CNTN5: variants seen among roughly 807,000 people sequenced by gnomAD.
CNTN5 encodes contactin 5.
A neutral mutation model predicts 129.1 loss-of-function variants in CNTN5; 77 were observed. The ratio of observed to expected loss-of-function variants is 0.60; its 90% CI spans 0.50 to 0.72. The LOEUF is 0.72. CNTN5 is among the 30% of genes least tolerant of loss of function. The pLI is 0.00. For missense variants in CNTN5, 1,478 were observed against 1,328.8 expected (o/e 1.11, Z -1.75); for synonymous variants, 509 against 465.6 (o/e 1.09, Z -1.20).
rs1444602516 is a variant in CNTN5, at chr11:99,819,778, G to A, written c.277+13G>A. 3.0e-5 allele frequency: 4 copies of A among 131,712 alleles called. No homozygotes were observed. The highest frequency in any genetic ancestry group is 4.6e-5 in the Non-Finnish European group (4 of 86,808). 8.2% of individuals were successfully genotyped at this position (131,712 alleles called of 1,614,324 possible). ...TTCAAACAAGATGGTAAGTGTCAAA[G>A]GAAAATGGCTCCAGATAGAATAAAG... On this transcript the variant is annotated intron_variant, in intron 4 of 24. Coordinates refer to ENST00000524871, the MANE Select transcript of CNTN5 (RefSeq NM_014361.4).
intron 1 of CNTN5, among the ~76,000 whole-genome samples, chr11:99,198,432 A>T (rs1394891118): frequency 6.6e-6 from 1 of 152,278 alleles, no homozygotes; most frequent in East Asian, 1.9e-4. Context: ...GGCAAGTTAG[A>T]TGGGGCCAAA....
chr11:99,347,113 A>C (rs531542518), intron 2 of CNTN5, among the ~76,000 whole-genome samples: 3 of 152,168 alleles, frequency 2.0e-5, no homozygotes, highest in African/African-American at 7.2e-5. Flanking sequence ...GAGTTTTTAC[A>C]TCTTTGGCTT....
chr11:99,725,021 T>C (rs549902752), intron 3 of CNTN5, among the ~76,000 whole-genome samples: 1 of 152,346 alleles, frequency 6.6e-6, no homozygotes, highest in African/African-American at 2.4e-5. Flanking sequence ...GACTTGATTG[T>C]TTAGAAATAA....
At chr11:99,435,131 A>G (rs1943549647) in intron 2 of CNTN5, among the ~76,000 whole-genome samples, 1 of 152,108 alleles carries the variant, frequency 6.6e-6, no homozygotes, top group African/African-American at 2.4e-5. Flanking sequence ...CCTGAAATGT[A>G]ATATCACAAC....
intron 9 of CNTN5, among the ~76,000 whole-genome samples, chr11:100,044,922 T>C (rs893548020): frequency 5.9e-5 from 9 of 152,148 alleles, no homozygotes; most frequent in Non-Finnish European, 1.0e-4. Flanking sequence ...ACCCTGACAA[T>C]TGACTACATA....
rs560875425 is a variant in CNTN5, at chr11:99,309,993, T to C, written c.-209-15353T>C. On this transcript the variant is annotated intron_variant, in intron 1 of 24. Transcript: ENST00000524871. ...AATTTTCATTTATATTATATGACTT[T>C]ATATGGTGATAACTTTGGAGGGAAA... is the stretch of plus-strand genomic sequence containing the variant. 5.8e-4 allele frequency among the ~76,000 whole-genome samples: 89 copies of C among 152,286 alleles called. 1 individual carries two copies. The highest frequency in any genetic ancestry group is 2.0e-3 in the African/African-American group (83 of 41,574).
intron 13 of CNTN5, among the ~76,000 whole-genome samples, chr11:100,089,080 A>G (rs1944657279): frequency 6.6e-6 from 1 of 152,180 alleles, no homozygotes. Flanking sequence ...GGTTCAACAT[A>G]TGCAAATCAA....
At chr11:99,711,943 T>C (rs1310560227) in intron 3 of CNTN5, among the ~76,000 whole-genome samples, 1 of 151,998 alleles carries the variant, frequency 6.6e-6, no homozygotes, top group Non-Finnish European at 1.5e-5. Context: ...AGTAAACATA[T>C]GTGTGCATGT....
intron 2 of CNTN5, among the ~76,000 whole-genome samples, chr11:99,462,275 AAGAG>A (rs2135237678): frequency 6.6e-6 from 1 of 152,226 alleles, no homozygotes; most frequent in Non-Finnish European, 1.5e-5. Flanking sequence ...TTCAGGGAGA[AAGAG>A]AAAGAAACAA....
At position 100,277,634 on chromosome 11, in the gene CNTN5, T is replaced by C. The variant is rs544706968; in HGVS notation, c.2314+6393T>C. ...ATGTCTTCTTTTGAGAAATGTCTTT[T>C]CAAATCTTTTGCCCATTTTATGAAT... is the stretch of plus-strand genomic sequence containing the variant. On this transcript the variant is annotated intron_variant, in intron 18 of 24. Coordinates refer to ENST00000524871, the MANE Select transcript of CNTN5 (RefSeq NM_014361.4). 1.9e-4 allele frequency among the ~76,000 whole-genome samples: 29 copies of C among 152,284 alleles called. No homozygotes were observed. The South Asian group carries it at 5.4e-3, about 28-fold the overall frequency.
intron 1 of CNTN5, among the ~76,000 whole-genome samples, chr11:99,242,413 C>A (rs1228839162): frequency 2.0e-5 from 3 of 152,084 alleles, no homozygotes; most frequent in Admixed American, 2.0e-4. Context: ...ATTAAATATT[C>A]TTCCCTGTTA....
At chr11:100,090,548 T>TTCCC (rs1162676109) in intron 13 of CNTN5, among the ~76,000 whole-genome samples, 11 of 49,796 alleles carry the variant, frequency 2.2e-4, no homozygotes, top group East Asian at 2.4e-3. Context: ...CCTTCCTTCC[T>TTCCC]TCCCTCCCTC....
chr11:99,669,594 A>C (rs527364241), intron 3 of CNTN5, among the ~76,000 whole-genome samples: 1 of 152,088 alleles, frequency 6.6e-6, no homozygotes, highest in Admixed American at 6.5e-5. Context: ...GGATTACACT[A>C]TTTCCCTGTT....
intron 8 of CNTN5, among the ~76,000 whole-genome samples, chr11:99,962,941 C>G (rs1950990099): frequency 6.6e-6 from 1 of 150,648 alleles, no homozygotes; most frequent in African/African-American, 2.5e-5. Context: ...TGTTTTTTGG[C>G]TGTATAAATG....
At chr11:100,113,752 T>C (rs1368757943) in intron 13 of CNTN5, among the ~76,000 whole-genome samples, 1 of 152,110 alleles carries the variant, frequency 6.6e-6, no homozygotes, top group Non-Finnish European at 1.5e-5. Flanking sequence ...AAATCTGACA[T>C]TATTATAAAC....
intron 9 of CNTN5, among the ~76,000 whole-genome samples, chr11:100,021,755 A>G (rs993308208): frequency 6.6e-6 from 1 of 152,188 alleles, no homozygotes; most frequent in African/African-American, 2.4e-5. Context: ...AAGTTGAGGA[A>G]CAAGGAAACC....
intron 3 of CNTN5, among the ~76,000 whole-genome samples, chr11:99,759,115 C>T (rs915909094): frequency 6.6e-6 from 1 of 151,924 alleles, no homozygotes; most frequent in African/African-American, 2.4e-5. Context: ...TGGGTGTTCT[C>T]CCCATTATGC....
At chr11:99,988,300 C>T (rs1693709429) in intron 8 of CNTN5, among the ~76,000 whole-genome samples, 1 of 152,200 alleles carries the variant, frequency 6.6e-6, no homozygotes. Flanking sequence ...TAAAACAACT[C>T]ATTTGTCACG....
intron 1 of CNTN5, among the ~76,000 whole-genome samples, chr11:99,243,121 T>C (rs549414535): frequency 2.1e-3 from 314 of 152,250 alleles, no homozygotes; most frequent in Middle Eastern, 0.01. Flanking sequence ...CATTCCTTAT[T>C]TGCAGGCTCA....
Sources: gnomAD v4.1 joint callset for allele counts (sites outside exome capture counted in the v4.1 genomes callset) on GRCh38, gnomAD v4.1.1 for gene constraint, MANE v1.5 for transcripts, NCBI Gene and HGNC (gene_info 2026-07-23, HGNC 2026-07-21) for gene names.